The following IQCH variants were observed in gnomAD, a reference collection of about 807,000 sequenced individuals.
The protein encoded by IQCH is IQ domain-containing protein H.
IQCH carries 98 observed loss-of-function variants against 117.0 expected under a neutral mutation model. The observed-to-expected ratio is 0.84, with a 90% CI of 0.71 to 0.99. The LOEUF is 0.99. IQCH is among the 50% of genes least tolerant of loss of function. The pLI is 0.00. For synonymous variants in IQCH, 412 were observed against 448.2 expected (o/e 0.92, Z 1.02); for missense variants, 1,102 against 1,243.8 (o/e 0.89, Z 1.72).
intron 6 of IQCH, among the ~76,000 whole-genome samples, chr15:67,355,229 A>AT (rs1013464809): frequency 6.6e-6 from 1 of 152,112 alleles, no homozygotes; most frequent in Non-Finnish European, 1.5e-5. Context: ...TCTTAAAAAA[A>AT]TTTTTTTTCT....
chr15:67,421,292 G>T lies in IQCH; in HGVS notation c.2220G>T (p.Gly740=), dbSNP rs1461918491. ...CCTACTCCATGTTTTTCCCACCAGG[G>T]GGTGTGATCGAAGCATTCCCACCTG... The part of the protein sequence containing the change: ...RKFLQTFLSQ[G]GVIEAFPPAD... The change falls in exon 16 of 21, where the codon GGG becomes GGT. Residue 740 remains glycine, a splice_region_variant and synonymous_variant. Transcript: ENST00000335894. 1 of 1,612,560 alleles carries T rather than the reference G, an allele frequency of 6.2e-7. No homozygotes were observed. The highest frequency in any genetic ancestry group is 1.7e-5 in the Admixed American group (1 of 59,916).
intron 13 of IQCH, among the ~76,000 whole-genome samples, chr15:67,399,094 C>A (rs1292421769): frequency 1.3e-5 from 2 of 152,138 alleles, no homozygotes; most frequent in Non-Finnish European, 2.9e-5. Flanking sequence ...TTCTCTACTT[C>A]ACCCTTCTCC....
intron 4 of IQCH, among the ~76,000 whole-genome samples, chr15:67,328,497 A>T (rs960086856): frequency 6.6e-6 from 1 of 152,198 alleles, no homozygotes; most frequent in Non-Finnish European, 1.5e-5. Context: ...AAGAAAAACT[A>T]TAGAAAATCA....
At chr15:67,282,766 CCA>C (rs1224972603) in intron 4 of IQCH, among the ~76,000 whole-genome samples, 1 of 152,078 alleles carries the variant, frequency 6.6e-6, no homozygotes. Context: ...CAGGTAAACC[CCA>C]GTCACTTCTT....
At chr15:67,258,963 G>A (rs1357909811) in intron 1 of IQCH, among the ~76,000 whole-genome samples, 1 of 152,118 alleles carries the variant, frequency 6.6e-6, no homozygotes, top group Non-Finnish European at 1.5e-5. Flanking sequence ...GTTAAGAGGG[G>A]AGGAGAAAAT....
chr15:67,345,037 T>G (rs556793991), intron 6 of IQCH, among the ~76,000 whole-genome samples: 1 of 152,338 alleles, frequency 6.6e-6, no homozygotes, highest in South Asian at 2.1e-4. Context: ...TTGCCCAGAC[T>G]AGAGTGCAAT....
intron 3 of IQCH, among the ~76,000 whole-genome samples, chr15:67,277,399 A>G (rs531076271): frequency 1.3e-5 from 2 of 152,122 alleles, no homozygotes; most frequent in Admixed American, 6.5e-5. Flanking sequence ...AGATACCATC[A>G]TTATATCATT....
intron 16 of IQCH, among the ~76,000 whole-genome samples, chr15:67,448,527 A>T (rs1419383083): frequency 6.6e-6 from 1 of 151,802 alleles, no homozygotes; most frequent in African/African-American, 2.4e-5. Flanking sequence ...TTCCAGTTTC[A>T]TCCATGTCCC....
At chr15:67,336,511 C>T (rs1234668359) in intron 4 of IQCH, among the ~76,000 whole-genome samples, 2 of 152,090 alleles carry the variant, frequency 1.3e-5, no homozygotes, top group Non-Finnish European at 2.9e-5. Flanking sequence ...CTGAGATCTG[C>T]AAAAGAATCT....
chr15:67,462,673 T>G (rs2082828205), intron 16 of IQCH, among the ~76,000 whole-genome samples: 1 of 152,090 alleles, frequency 6.6e-6, no homozygotes, highest in African/African-American at 2.4e-5. Context: ...TGCTGCCTCC[T>G]ATTAAAATCC....
intron 18 of IQCH, among the ~76,000 whole-genome samples, chr15:67,478,557 T>G (rs7183788): frequency 0.86 from 130,524 of 151,968 alleles, 56,056 homozygotes; most frequent in Middle Eastern, 0.89. Flanking sequence ...AAGAAAAAGA[T>G]AAGAGAAGAG....
At chr15:67,440,715 CTT>C (rs964113903) in intron 16 of IQCH, among the ~76,000 whole-genome samples, 9 of 152,140 alleles carry the variant, frequency 5.9e-5, no homozygotes, top group African/African-American at 2.2e-4. Context: ...AGGGACATAA[CTT>C]AATGTAGTAC....
intron 1 of IQCH, among the ~76,000 whole-genome samples, chr15:67,257,456 G>T (rs905441714): frequency 6.6e-5 from 10 of 152,204 alleles, no homozygotes; most frequent in Non-Finnish European, 1.2e-4. Flanking sequence ...TAGACCAGTG[G>T]TTCTCAAAGG....
rs1252247202 is a variant in IQCH at position 67,501,299 on chromosome 15, G to A, written c.*553G>A. ...GTTTTTGTTATACCAAGCCACTATT[G>A]TCTGCTATTGTTGCCATTTTTCAAA... On this transcript the variant is annotated 3_prime_UTR_variant, in exon 21 of 21. Transcript: ENST00000335894. This position sits in a 1 kb window ranked among gnomAD's most constrained non-coding sequence, Gnocchi z 5.2. 1 of 151,894 alleles carries A rather than the reference G, an allele frequency of 6.6e-6. No homozygotes were observed. The highest frequency in any genetic ancestry group is 1.9e-4 in the East Asian group (1 of 5,188). The allele number at this position is 151,894 out of a possible 1,614,324, so 9.4% of individuals were successfully genotyped here.
intron 18 of IQCH, among the ~76,000 whole-genome samples, chr15:67,480,619 C>T (rs763943239): frequency 1.8e-4 from 28 of 152,236 alleles, no homozygotes; most frequent in Middle Eastern, 6.8e-3. Context: ...GCTCCTAAAA[C>T]AGAAACCTAA....
At chr15:67,371,332 T>C in intron 8 of IQCH, 2 of 492,002 alleles carry the variant, frequency 4.1e-6, no homozygotes, top group Non-Finnish European at 6.5e-6. Context: ...GTCTTAGAAA[T>C]TTACCAATTA....
At chr15:67,470,715 T>G (rs2083052657) in intron 17 of IQCH, among the ~76,000 whole-genome samples, 1 of 152,262 alleles carries the variant, frequency 6.6e-6, no homozygotes, top group Non-Finnish European at 1.5e-5. Flanking sequence ...CATTTAATTC[T>G]TTGAAATACA....
chr15:67,372,114 A>G lies in IQCH; in HGVS notation c.757A>G (p.Met253Val), dbSNP rs1970554468. The G allele has an allele frequency of 6.3e-7, 1 of 1,599,300 alleles. No homozygotes were observed. ...RSRGHHDRKA[M>V]KVKTPLRALK... The stretch of plus-strand genomic sequence containing the variant: ...ATATATTTCTTTTTTTCCACAGGCC[A>G]TGAAAGTCAAAACACCTTTGAGAGC... Residue 253 changes from methionine (M) to valine (V), a missense_variant, in exon 9 of 21, where the codon ATG becomes GTG. Transcript: ENST00000335894.
rs1218824079 is a variant in IQCH, at chr15:67,493,895, G to A, written c.2862-363G>A. Among the ~76,000 whole-genome samples the A allele has an allele frequency of 6.6e-6, 1 of 152,184 alleles. No individual in the cohort carries two copies. The highest frequency in any genetic ancestry group is 1.5e-5 in the Non-Finnish European group (1 of 68,026). On this transcript the variant is annotated intron_variant, in intron 19 of 20. Transcript: ENST00000335894. The surrounding 1 kb of genome is among the most constrained non-coding windows in gnomAD (Gnocchi z 5.1). ...CACTGTTCAGTTCCCACCTATGAGT[G>A]AGAACATGCGGTGTTTGGTTTTCTG...
Sources: allele counts gnomAD v4.1 joint callset (sites outside exome capture counted in the v4.1 genomes callset), GRCh38; gene constraint gnomAD v4.1.1; non-coding constraint Gnocchi (gnomAD v3.1); transcripts MANE v1.5; gene names NCBI Gene and HGNC (gene_info 2026-07-23, HGNC 2026-07-21).